Variants in BBS9 observed in about 807,000 individuals in gnomAD.
The protein encoded by BBS9 is protein PTHB1.
Under a neutral mutation model 117.7 loss-of-function variants are expected in BBS9, and 89 were observed. That is an observed-to-expected ratio of 0.76 (90% CI 0.64 to 0.90). BBS9 has a LOEUF of 0.90. BBS9 is among the 40% of genes least tolerant of loss of function. The probability of loss-of-function intolerance (pLI) is 0.00; values close to 1 mark genes in which losing one functional copy is unlikely to be tolerated. For synonymous variants in BBS9, 379 were observed against 370.9 expected, an observed-to-expected ratio of 1.02 and a Z score of -0.25; for missense variants, 982 against 1,042.2, an observed-to-expected ratio of 0.94 and a Z score of 0.80.
At chr7:33,173,484 A>G (rs1796903367) in intron 4 of BBS9, among the ~76,000 whole-genome samples, 1 of 151,630 alleles carries the variant, frequency 6.6e-6, no homozygotes, top group Admixed American at 6.6e-5. Flanking sequence ...AGGCAGGAGA[A>G]TGGTGTGAAC....
In BBS9 at chr7:33,388,051, G is replaced by A. The variant is rs561957887; in HGVS notation, c.2022G>A (p.Arg674=). The A allele has an allele frequency of 1.9e-6, 3 of 1,614,046 alleles. No individual in the cohort carries two copies. The South Asian group carries it at 3.3e-5, about 18-fold the overall frequency. The change falls in exon 19 of 23, where the codon CGG becomes CGA. Residue 674 remains arginine (R), a synonymous_variant. Transcript: ENST00000242067. Reference sequence around the variant, plus strand: ...TATCTGAGAGAGCTGTACAATTTCGGGCCATTCAACGCCGGCTACTAGCAA... The same window carrying A: ...TATCTGAGAGAGCTGTACAATTTCGAGCCATTCAACGCCGGCTACTAGCAA... The part of the protein sequence containing the change: ...ELLSERAVQF[R]AIQRRLLARF...
intron 21 of BBS9, among the ~76,000 whole-genome samples, chr7:33,603,275 C>T (rs548114105): frequency 6.6e-6 from 1 of 152,158 alleles, no homozygotes; most frequent in South Asian, 2.1e-4. Context: ...TTCTGTTCAG[C>T]AGGGTGCACA....
chr7:33,166,596 G>C lies in BBS9; in HGVS notation c.329-10882G>C, dbSNP rs570319432. On this transcript the variant is annotated intron_variant, in intron 4 of 22. Transcript: ENST00000242067. ...ATGCCCCTCCCCCTGCCAGGCTGCT[G>C]CCTCACAGGTTGATCTCAGACTGCT... Among the ~76,000 whole-genome samples, 12 of 152,370 alleles carry C rather than the reference G, an allele frequency of 7.9e-5. No homozygotes were observed. The South Asian group carries it at 2.5e-3, about 32-fold the overall frequency.
At chr7:33,407,730 C>T (rs1049431729) in intron 19 of BBS9, among the ~76,000 whole-genome samples, 33 of 152,310 alleles carry the variant, frequency 2.2e-4, no homozygotes, top group Non-Finnish European at 2.8e-4. Flanking sequence ...GTATCAGCAG[C>T]GGTGTCTGCA....
chr7:33,610,798 C>T (rs1194610411), downstream of BBS9, among the ~76,000 whole-genome samples: 21 of 152,088 alleles, frequency 1.4e-4, no homozygotes, highest in Non-Finnish European at 7.4e-5. Context: ...TACACTTTTA[C>T]TTTTCATTTT....
intron 21 of BBS9, among the ~76,000 whole-genome samples, chr7:33,556,782 A>T (rs1855359496): frequency 6.6e-6 from 1 of 152,178 alleles, no homozygotes; most frequent in South Asian, 2.1e-4. Flanking sequence ...AACATAATGT[A>T]TCCTCTGTAA....
At chr7:33,206,045 T>C (rs1562794614) in intron 5 of BBS9, among the ~76,000 whole-genome samples, 1 of 152,248 alleles carries the variant, frequency 6.6e-6, no homozygotes, top group South Asian at 2.1e-4. Context: ...TTAATAATTG[T>C]GATTTCATTG....
chr7:33,148,128 G>A (rs765386853), intron 2 of BBS9, among the ~76,000 whole-genome samples: 4 of 152,162 alleles, frequency 2.6e-5, no homozygotes, highest in Non-Finnish European at 5.9e-5. Context: ...CTTATAGAAT[G>A]GAAAGTTAAC....
intron 5 of BBS9, among the ~76,000 whole-genome samples, chr7:33,185,337 G>A (rs1435003305): frequency 2.0e-5 from 3 of 151,854 alleles, no homozygotes; most frequent in South Asian, 2.1e-4. Context: ...CTTTGGTTCC[G>A]ATGCTTCTGA....
chr7:33,332,678 AAAC>A (rs147419035), intron 9 of BBS9, among the ~76,000 whole-genome samples: 122,597 of 149,902 alleles, frequency 0.82, 50,122 homozygotes, highest in African/African-American at 0.86. Flanking sequence ...CTCCATGTCA[AAAC>A]AACAACAACA....
At chr7:33,341,106 G>C in intron 11 of BBS9, 133 bp downstream of exon 11, 4 of 735,142 alleles carry the variant, frequency 5.4e-6, no homozygotes, top group Non-Finnish European at 9.4e-6. Context: ...TGTAGGCCTT[G>C]TTATTTTCTA....
chr7:33,563,469 A>G (rs1176885063), intron 21 of BBS9, among the ~76,000 whole-genome samples: 2 of 152,180 alleles, frequency 1.3e-5, no homozygotes, highest in African/African-American at 4.8e-5. Context: ...TATTTGAGCT[A>G]TTTCTGATGT....
At chr7:33,255,974 G>A (rs979987447) in intron 5 of BBS9, among the ~76,000 whole-genome samples, 1 of 152,000 alleles carries the variant, frequency 6.6e-6, no homozygotes, top group African/African-American at 2.4e-5. Context: ...TGGCCAACAT[G>A]GTTGAAACCC....
intron 19 of BBS9, among the ~76,000 whole-genome samples, chr7:33,483,171 G>C (rs1474071213): frequency 1.3e-5 from 2 of 152,068 alleles, no homozygotes. Flanking sequence ...GCTATAATTT[G>C]GTCCTAGACC....
intron 5 of BBS9, among the ~76,000 whole-genome samples, chr7:33,246,244 A>G (rs1467942971): frequency 6.6e-6 from 1 of 151,422 alleles, no homozygotes; most frequent in Non-Finnish European, 1.5e-5. Flanking sequence ...TTTTAAAACC[A>G]TGTAAGTTTA....
chr7:33,184,097 CAGAG>C (rs35333434), intron 5 of BBS9, among the ~76,000 whole-genome samples: 2,247 of 149,382 alleles, frequency 0.015, 56 homozygotes, highest in African/African-American at 0.052. Flanking sequence ...AGTTTGCACA[CAGAG>C]AGAGAGAGAG....
At chr7:33,326,694 G>T (rs1481950376) in intron 9 of BBS9, among the ~76,000 whole-genome samples, 1 of 151,836 alleles carries the variant, frequency 6.6e-6, no homozygotes, top group Non-Finnish European at 1.5e-5. Context: ...TAATCAGTAG[G>T]TAATGAAACT....
chr7:33,439,574 G>GCT (rs1328547252), intron 19 of BBS9, among the ~76,000 whole-genome samples: 1 of 145,242 alleles, frequency 6.9e-6, no homozygotes, highest in Admixed American at 6.9e-5. Context: ...TTGTTGCCAG[G>GCT]CTGGAGTGCA....
chr7:33,537,468 A>G (rs564607551), intron 21 of BBS9, among the ~76,000 whole-genome samples: 2 of 152,314 alleles, frequency 1.3e-5, no homozygotes, highest in South Asian at 4.1e-4. Context: ...TTGCAGAGCT[A>G]TCAAATTTAT....
Sources: allele counts gnomAD v4.1 joint callset (sites outside exome capture counted in the v4.1 genomes callset), GRCh38; gene constraint gnomAD v4.1.1; transcripts MANE v1.5; gene names NCBI Gene and HGNC (gene_info 2026-07-23, HGNC 2026-07-21).